CIT: variants seen among roughly 807,000 people sequenced by gnomAD.
CIT encodes citron rho-interacting serine/threonine kinase.
CIT carries 79 observed loss-of-function variants against 272.7 expected under a neutral mutation model. The observed-to-expected ratio is 0.29, with a 90% CI of 0.24 to 0.35. The LOEUF is 0.35. Among genes scored for constraint, CIT ranks in the 10% least tolerant of loss-of-function variants. CIT has a pLI of 1.00. For synonymous variants in CIT, 948 were observed against 995.6 expected (o/e 0.95, Z 0.90); for missense variants, 1,909 against 2,618.3 (o/e 0.73, Z 5.91).
intron 32 of CIT, among the ~76,000 whole-genome samples, chr12:119,714,811 A>G (rs1015984991): frequency 1.9e-4 from 29 of 152,240 alleles, no homozygotes; most frequent in African/African-American, 5.5e-4. Context: ...CCCAGAACCC[A>G]GCAATTCCGC....
In CIT at chr12:119,713,890, T is replaced by C. The variant is rs188826314; in HGVS notation, c.4307-242A>G. ...AATCCAGACCGCCCACAAACAGGTG[T>C]GTAAAGAACACGTTTGCATGTTTCA... On this transcript the variant is annotated intron_variant, in intron 33 of 47. Coordinates refer to ENST00000392521, the MANE Select transcript of CIT (RefSeq NM_001206999.2). This position sits in a 1 kb window ranked among gnomAD's most constrained non-coding sequence, Gnocchi z 5.2. 52 of 609,158 alleles carry C rather than the reference T, an allele frequency of 8.5e-5. No homozygotes were observed. The highest frequency in any genetic ancestry group is 1.4e-4 in the Non-Finnish European group (50 of 344,918). 37.7% of individuals were successfully genotyped at this position (609,158 alleles called of 1,614,324 possible).
At chr12:119,721,285 C>G (rs1387277864) in intron 29 of CIT, 24 bp downstream of exon 29, 1 of 1,580,628 alleles carries the variant, frequency 6.3e-7, no homozygotes, top group Non-Finnish European at 8.7e-7. Context: ...CATTTTTAAG[C>G]AGATTCCCTC....
chr12:119,737,987 G>A (rs183960343), intron 24 of CIT, among the ~76,000 whole-genome samples: 2 of 152,230 alleles, frequency 1.3e-5, no homozygotes, highest in African/African-American at 2.4e-5. Flanking sequence ...AATGGTCTTC[G>A]TGGATTTTTT....
At chr12:119,765,875 CA>C (rs1962398456) in intron 19 of CIT, among the ~76,000 whole-genome samples, 1 of 152,120 alleles carries the variant, frequency 6.6e-6, no homozygotes, top group South Asian at 2.1e-4. Flanking sequence ...TCACATGATC[CA>C]GCAATCCCAC....
chr12:119,777,868 T>C (rs1243911794), intron 13 of CIT, among the ~76,000 whole-genome samples: 1 of 152,132 alleles, frequency 6.6e-6, no homozygotes, highest in Non-Finnish European at 1.5e-5. Context: ...AGGGTAATCA[T>C]TTATATAGAC....
intron 10 of CIT, among the ~76,000 whole-genome samples, chr12:119,787,021 G>C (rs1697336027): frequency 6.6e-6 from 1 of 152,058 alleles, no homozygotes; most frequent in Non-Finnish European, 1.5e-5. Flanking sequence ...CCAGGCTGGA[G>C]TGCGGTGGTC....
intron 3 of CIT, among the ~76,000 whole-genome samples, chr12:119,861,739 T>A (rs1246153638): frequency 6.6e-6 from 1 of 152,178 alleles, no homozygotes; most frequent in Non-Finnish European, 1.5e-5. Flanking sequence ...TTTCTAGGAA[T>A]CATCCATTGT....
intron 3 of CIT, among the ~76,000 whole-genome samples, chr12:119,863,251 T>C (rs1243952525): frequency 7.6e-6 from 1 of 131,620 alleles, no homozygotes; most frequent in Non-Finnish European, 1.6e-5. Flanking sequence ...CTTAGCAAAC[T>C]AATGCAGGAA....
chr12:119,837,956 T>C (rs1313118836), intron 5 of CIT, among the ~76,000 whole-genome samples: 1 of 152,156 alleles, frequency 6.6e-6, no homozygotes, highest in Non-Finnish European at 1.5e-5. Context: ...AAATCAATAC[T>C]TGAGTGCCTA....
intron 40 of CIT, among the ~76,000 whole-genome samples, chr12:119,705,062 AC>A (rs1404508394): frequency 6.6e-6 from 1 of 152,052 alleles, no homozygotes; most frequent in Non-Finnish European, 1.5e-5. Flanking sequence ...ACAGGTGCGC[AC>A]CACCATGCCT....
intron 23 of CIT, among the ~76,000 whole-genome samples, chr12:119,750,004 G>A (rs948954615): frequency 3.9e-5 from 6 of 152,170 alleles, no homozygotes; most frequent in African/African-American, 1.4e-4. Context: ...CTTCTCGGCT[G>A]CTCTGAAATA....
intron 32 of CIT, 49 bp from the exon 33 acceptor site, chr12:119,714,383 A>T (rs1363867535): frequency 6.3e-7 from 1 of 1,592,894 alleles, no homozygotes; most frequent in Non-Finnish European, 8.6e-7. Flanking sequence ...AAATGATCCC[A>T]TCAGGAAAGT....
chr12:119,793,919 T>C (rs1965520495), intron 10 of CIT, among the ~76,000 whole-genome samples: 1 of 152,182 alleles, frequency 6.6e-6, no homozygotes, highest in Non-Finnish European at 1.5e-5. Context: ...AAGACAGGGA[T>C]TTTTGTCTCA....
intron 24 of CIT, among the ~76,000 whole-genome samples, chr12:119,736,712 G>A (rs1260099632): frequency 6.6e-6 from 1 of 152,236 alleles, no homozygotes; most frequent in Non-Finnish European, 1.5e-5. Context: ...CTTATGACTT[G>A]CAGGGTCCCT....
At chr12:119,741,417 G>T (rs1413883873) in intron 24 of CIT, among the ~76,000 whole-genome samples, 1 of 152,150 alleles carries the variant, frequency 6.6e-6, no homozygotes, top group East Asian at 1.9e-4. Context: ...CTACATTGGG[G>T]TTACCCAGTT....
At chr12:119,791,115 G>T (rs190977043) in intron 10 of CIT, among the ~76,000 whole-genome samples, 6 of 152,254 alleles carry the variant, frequency 3.9e-5, no homozygotes, top group Admixed American at 3.9e-4. Context: ...GGGGTGCCAG[G>T]CAGTAGAACC....
chr12:119,801,403 G>C (rs1401248520), intron 10 of CIT, among the ~76,000 whole-genome samples: 1 of 152,166 alleles, frequency 6.6e-6, no homozygotes, highest in Non-Finnish European at 1.5e-5. Context: ...AAGTCTTCCT[G>C]AAAAATAAGC....
chr12:119,698,309 G>A, intron 44 of CIT: 1 of 460,306 alleles, frequency 2.2e-6, no homozygotes, highest in South Asian at 2.6e-5. Flanking sequence ...AATACATCTG[G>A]CTGGGCGTGG....
At chr12:119,764,684 T>C (rs1195489506) in intron 19 of CIT, among the ~76,000 whole-genome samples, 1 of 151,534 alleles carries the variant, frequency 6.6e-6, no homozygotes. Context: ...AAGAAAGAAT[T>C]TGCAAATTGG....
Sources: allele counts gnomAD v4.1 joint callset (sites outside exome capture counted in the v4.1 genomes callset), GRCh38; gene constraint gnomAD v4.1.1; non-coding constraint Gnocchi (gnomAD v3.1); transcripts MANE v1.5; gene names NCBI Gene and HGNC (gene_info 2026-07-23, HGNC 2026-07-21).